The following EDIL3 variants were observed in gnomAD, a reference collection of about 807,000 sequenced individuals.
EDIL3 encodes EGF like and discoidin domains 3.
EDIL3 carries 37 observed loss-of-function variants against 67.4 expected under a neutral mutation model. The ratio of observed to expected loss-of-function variants is 0.55; its 90% CI spans 0.42 to 0.72. EDIL3 has a LOEUF of 0.72. Among genes scored for constraint, EDIL3 ranks in the 30% least tolerant of loss-of-function variants. The pLI, the probability that EDIL3 is intolerant of heterozygous loss-of-function variation, is 0.00. For synonymous variants in EDIL3, 195 were observed against 196.3 expected (o/e 0.99, Z 0.05); for missense variants, 527 against 586.3 (o/e 0.90, Z 1.04).
intron 6 of EDIL3, among the ~76,000 whole-genome samples, chr5:84,085,559 C>T (rs985923101): frequency 3.3e-5 from 5 of 152,162 alleles, no homozygotes; most frequent in African/African-American, 1.2e-4. Flanking sequence ...AGCTTTGTCC[C>T]AGAGGGGCAC....
At chr5:84,107,097 T>C (rs1405887721) in intron 5 of EDIL3, among the ~76,000 whole-genome samples, 1 of 152,136 alleles carries the variant, frequency 6.6e-6, no homozygotes. Context: ...TCTGTACTGA[T>C]AGCTTCTGGT....
At chr5:84,376,774 T>C (rs890681108) in intron 1 of EDIL3, among the ~76,000 whole-genome samples, 1 of 152,138 alleles carries the variant, frequency 6.6e-6, no homozygotes, top group Admixed American at 6.5e-5. Context: ...AAGTGTCTGT[T>C]TGGGTCTTCT....
Position 83,942,415 on chromosome 5 carries a change from C to T in EDIL3, c.*1004G>A, listed in dbSNP as rs1429325859. The T allele has an allele frequency of 3.3e-5, 5 of 151,838 alleles. No homozygotes were observed. The highest frequency in any genetic ancestry group is 5.9e-5 in the Non-Finnish European group (4 of 67,920). 9.4% of individuals were successfully genotyped at this position (151,838 alleles called of 1,614,324 possible). ...ACAAAGAAATGATGAGTATGCTTGGCCAAACTATGCAGCACTATATTAATA... is the reference window on the plus strand; with the variant it reads ...ACAAAGAAATGATGAGTATGCTTGGTCAAACTATGCAGCACTATATTAATA... On this transcript the variant is annotated 3_prime_UTR_variant, in exon 11 of 11. Coordinates refer to ENST00000296591, the MANE Select transcript of EDIL3 (RefSeq NM_005711.5).
At chr5:84,237,302 A>G (rs1744700704) in intron 2 of EDIL3, among the ~76,000 whole-genome samples, 1 of 152,146 alleles carries the variant, frequency 6.6e-6, no homozygotes, top group South Asian at 2.1e-4. Context: ...TACTGGCACA[A>G]ATCTCAGTGA....
intron 1 of EDIL3, among the ~76,000 whole-genome samples, chr5:84,286,274 T>C (rs1310572088): frequency 6.6e-6 from 1 of 152,088 alleles, no homozygotes; most frequent in Middle Eastern, 3.2e-3. Flanking sequence ...CTCTCCCCAT[T>C]CTATATATTT....
intron 6 of EDIL3, among the ~76,000 whole-genome samples, chr5:84,097,697 G>T (rs888504999): frequency 8.0e-5 from 12 of 150,350 alleles, no homozygotes; most frequent in African/African-American, 2.7e-4. Flanking sequence ...ATTAATAGCT[G>T]GAAATTCAAT....
chr5:84,026,681 A>T (rs1305378525), intron 9 of EDIL3, among the ~76,000 whole-genome samples: 1 of 152,196 alleles, frequency 6.6e-6, no homozygotes, highest in African/African-American at 2.4e-5. Context: ...ATTATTTCCA[A>T]CTGTAATTTT....
chr5:84,117,893 A>G (rs898538938), intron 5 of EDIL3, among the ~76,000 whole-genome samples: 5 of 152,160 alleles, frequency 3.3e-5, no homozygotes, highest in African/African-American at 9.6e-5. Context: ...CCACAAAATA[A>G]AAATAACAGA....
chr5:84,004,817 G>A (rs1216915155), intron 9 of EDIL3, among the ~76,000 whole-genome samples: 1 of 151,890 alleles, frequency 6.6e-6, no homozygotes, highest in Non-Finnish European at 1.5e-5. Context: ...GCTAGCAGAA[G>A]AAAAGAGATA....
intron 5 of EDIL3, among the ~76,000 whole-genome samples, chr5:84,126,153 T>G (rs1275749073): frequency 6.6e-6 from 1 of 152,086 alleles, no homozygotes; most frequent in Non-Finnish European, 1.5e-5. Flanking sequence ...GCTTACAATT[T>G]CATCGTCTGC....
chr5:84,037,010 G>A (rs1413884264), intron 9 of EDIL3, among the ~76,000 whole-genome samples: 51 of 152,106 alleles, frequency 3.4e-4, no homozygotes, highest in Non-Finnish European at 1.3e-4. Context: ...TCAGGGCTGC[G>A]CTGCAAGGCT....
intron 5 of EDIL3, among the ~76,000 whole-genome samples, chr5:84,135,652 T>C (rs1481035246): frequency 6.6e-6 from 1 of 152,154 alleles, no homozygotes; most frequent in Admixed American, 6.6e-5. Context: ...GGGTGATTAG[T>C]TAAATGCTTC....
intron 5 of EDIL3, among the ~76,000 whole-genome samples, 200 bp downstream of exon 5, chr5:84,137,041 C>T (rs1748103952): frequency 6.6e-6 from 1 of 152,060 alleles, no homozygotes; most frequent in African/African-American, 2.4e-5. Context: ...GCATTAATAA[C>T]ATACCACAAA....
intron 10 of EDIL3, among the ~76,000 whole-genome samples, chr5:83,955,042 G>C (rs1050852294): frequency 1.3e-5 from 2 of 151,780 alleles, no homozygotes; most frequent in Non-Finnish European, 2.9e-5. Context: ...TAGAGTCACA[G>C]TTGGGCTAAC....
intron 6 of EDIL3, among the ~76,000 whole-genome samples, chr5:84,086,808 G>A (rs1414208808): frequency 2.0e-5 from 3 of 152,152 alleles, no homozygotes; most frequent in Non-Finnish European, 4.4e-5. Context: ...GTAAATGTGT[G>A]ACTACGCAGA....
At chr5:83,959,232 T>C (rs1744566660) in intron 10 of EDIL3, among the ~76,000 whole-genome samples, 1 of 147,556 alleles carries the variant, frequency 6.8e-6, no homozygotes, top group Admixed American at 6.8e-5. Flanking sequence ...ATATAATATA[T>C]ATACGTATAT....
intron 5 of EDIL3, among the ~76,000 whole-genome samples, chr5:84,117,173 G>A (rs1395165093): frequency 1.2e-4 from 18 of 151,596 alleles, no homozygotes; most frequent in South Asian, 8.3e-4. Flanking sequence ...GACTACAGGC[G>A]CCCACCATCA....
intron 1 of EDIL3, among the ~76,000 whole-genome samples, chr5:84,260,813 AC>A (rs1745211670): frequency 1.3e-5 from 2 of 152,188 alleles, no homozygotes; most frequent in Admixed American, 6.5e-5. Flanking sequence ...AAATTTGTAT[AC>A]AGATATAGAA....
chr5:83,958,179 T>C lies in EDIL3; in HGVS notation c.1293+5026A>G, dbSNP rs1274498572. Among the ~76,000 whole-genome samples the C allele has an allele frequency of 3.3e-5, 5 of 151,598 alleles. No homozygotes were observed. In the Admixed American group the frequency reaches 3.3e-4, roughly 10 times the overall value. ...AGAAAACTACACTTAGTTTCAAAAA[T>C]TTAATTTTGTTTTTGGCATCAATTA... On this transcript the variant is annotated intron_variant, in intron 10 of 10. Coordinates refer to ENST00000296591, the MANE Select transcript of EDIL3 (RefSeq NM_005711.5).
Sources: allele counts gnomAD v4.1 joint callset (sites outside exome capture counted in the v4.1 genomes callset), GRCh38; gene constraint gnomAD v4.1.1; transcripts MANE v1.5; gene names NCBI Gene and HGNC (gene_info 2026-07-23, HGNC 2026-07-21).